HECTD2: variants seen among roughly 807,000 people sequenced by gnomAD.
HECTD2 encodes probable E3 ubiquitin-protein ligase HECTD2.
Under a neutral mutation model 103.2 loss-of-function variants are expected in HECTD2, and 35 were observed. The ratio of observed to expected loss-of-function variants is 0.34; its 90% CI spans 0.26 to 0.45. The LOEUF (loss-of-function observed/expected upper bound fraction) is 0.45, where lower values mean the gene tolerates loss of function less well. Ranked by LOEUF, HECTD2 falls within the 20% of genes least tolerant of loss-of-function variation. HECTD2 has a pLI of 1.00. For synonymous variants in HECTD2, 281 were observed against 329.9 expected (o/e 0.85, Z 1.61); for missense variants, 596 against 937.4 (o/e 0.64, Z 4.76).
chr10:91,453,625 G>T (rs1844931444), intron 2 of HECTD2, among the ~76,000 whole-genome samples: 1 of 152,052 alleles, frequency 6.6e-6, no homozygotes, highest in Non-Finnish European at 1.5e-5. Context: ...CTGCAGAAAG[G>T]CAGGGAAAAT....
intron 11 of HECTD2, chr10:91,488,267 ATT>A (rs1846336958): frequency 6.5e-6 from 1 of 153,112 alleles, no homozygotes; most frequent in Admixed American, 6.5e-5. Context: ...AAGATGTTTT[ATT>A]GGTTCTTAGG....
At chr10:91,451,986 A>G (rs1290584977) in intron 2 of HECTD2, among the ~76,000 whole-genome samples, 3 of 152,140 alleles carry the variant, frequency 2.0e-5, no homozygotes, top group Admixed American at 2.0e-4. Context: ...AATACTTGAG[A>G]AAATACAACA....
intron 1 of HECTD2, among the ~76,000 whole-genome samples, chr10:91,421,655 G>A (rs1467117342): frequency 1.3e-5 from 2 of 152,158 alleles, no homozygotes. Context: ...CAATAACCCT[G>A]TTATAAAAAT....
At chr10:91,473,416 C>T (rs1845797822) in intron 5 of HECTD2, among the ~76,000 whole-genome samples, 1 of 152,094 alleles carries the variant, frequency 6.6e-6, no homozygotes, top group Non-Finnish European at 1.5e-5. Context: ...CAAAAACTGC[C>T]TTTACCACCA....
chr10:91,498,016 A>G, intron 15 of HECTD2, 92 bp from the exon 16 acceptor site: 2 of 787,236 alleles, frequency 2.5e-6, no homozygotes, highest in South Asian at 1.5e-5. Flanking sequence ...TATGATCTTT[A>G]TATACATATG....
At chr10:91,477,491 A>T (rs1322047053) in intron 5 of HECTD2, among the ~76,000 whole-genome samples, 1 of 152,144 alleles carries the variant, frequency 6.6e-6, no homozygotes, top group African/African-American at 2.4e-5. Context: ...TTGAGCAGGG[A>T]TACTCTCTGG....
intron 2 of HECTD2, among the ~76,000 whole-genome samples, chr10:91,439,406 T>C (rs1473197825): frequency 6.6e-6 from 1 of 152,210 alleles, no homozygotes; most frequent in Non-Finnish European, 1.5e-5. Flanking sequence ...GCATTATTTC[T>C]GAGACCTTTA....
At chr10:91,489,566 G>A (rs1363149688) in intron 11 of HECTD2, 1 of 152,098 alleles carries the variant, frequency 6.6e-6, no homozygotes, top group Admixed American at 6.5e-5. Context: ...TTTGCCATTA[G>A]CATCCTAGCA....
intron 2 of HECTD2, among the ~76,000 whole-genome samples, chr10:91,430,665 G>T (rs1254600142): frequency 6.6e-6 from 1 of 151,898 alleles, no homozygotes; most frequent in Non-Finnish European, 1.5e-5. Flanking sequence ...ATCTTTTTTG[G>T]TTTAAAGTCT....
rs1330803165 is a variant in HECTD2 at position 91,514,282 on chromosome 10, A to G, written c.*1898A>G. 6.6e-6 allele frequency: 1 copy of G among 152,618 alleles called. No homozygotes were observed. The highest frequency in any genetic ancestry group is 2.4e-5 in the African/African-American group (1 of 41,450). 9.5% of individuals were successfully genotyped at this position (152,618 alleles called of 1,614,324 possible). ...CGATTAGCTGTGTCACTTTTAAATA[A>G]GAAGTCCACACAAGCAAGCCAAATT... On this transcript the variant is annotated 3_prime_UTR_variant, in exon 21 of 21. Transcript: ENST00000298068.
intron 5 of HECTD2, among the ~76,000 whole-genome samples, chr10:91,465,166 C>T (rs1207080988): frequency 1.3e-5 from 2 of 151,918 alleles, no homozygotes; most frequent in African/African-American, 2.4e-5. Flanking sequence ...ACTAAACAAA[C>T]GAGTAAATAT....
chr10:91,410,245 G>C (rs1842854132), upstream of HECTD2: 1 of 153,386 alleles, frequency 6.5e-6, no homozygotes. Flanking sequence ...GCGTCCGCGG[G>C]GCTGGCGCGC....
chr10:91,485,184 T>C lies in HECTD2; in HGVS notation c.975T>C (p.Thr325=), dbSNP rs1243611282. ...TGTTAGAATTTATCTTTACAGATAC[T>C]GCAAACAATTTAGTTCACCCTCCCC... ...SAAKVLALLN[T]ANNLVHPPLI... is the part of the protein sequence containing the mutation. Residue 325 remains threonine (T), a synonymous_variant, in exon 10 of 21, where the codon ACT becomes ACC. Coordinates refer to ENST00000298068, the MANE Select transcript of HECTD2 (RefSeq NM_182765.6). The C allele has an allele frequency of 7.1e-6, 11 of 1,541,566 alleles. No homozygotes were observed. The highest frequency in any genetic ancestry group is 9.7e-6 in the Non-Finnish European group (11 of 1,132,980).
chr10:91,436,009 C>A (rs866829216), intron 2 of HECTD2, among the ~76,000 whole-genome samples: 1 of 151,736 alleles, frequency 6.6e-6, no homozygotes. Context: ...AATTATTTCC[C>A]CTCTGAATCT....
chr10:91,446,167 C>T (rs188053894), intron 2 of HECTD2, among the ~76,000 whole-genome samples: 1 of 151,408 alleles, frequency 6.6e-6, no homozygotes, highest in Non-Finnish European at 1.5e-5. Context: ...GACAAAGCTT[C>T]CAGAGGAAGG....
intron 1 of HECTD2, among the ~76,000 whole-genome samples, chr10:91,412,561 TCTC>T (rs1297401489): frequency 6.6e-6 from 1 of 151,488 alleles, no homozygotes; most frequent in Non-Finnish European, 1.5e-5. Flanking sequence ...TTCAAGCCAT[TCTC>T]CTGCCTCAGC....
chr10:91,511,947 C>T (rs1847438885), intron 20 of HECTD2, among the ~76,000 whole-genome samples: 2 of 152,210 alleles, frequency 1.3e-5, no homozygotes, highest in African/African-American at 4.8e-5. Context: ...TCGAACAAGA[C>T]CCCACAGCTA....
In HECTD2 at chr10:91,512,633, A is replaced by G; in HGVS notation, c.*249A>G. The G allele has an allele frequency of 2.5e-6, 1 of 401,474 alleles. No individual in the cohort carries two copies. Among genetic ancestry groups the G allele is most frequent in the Non-Finnish European group, 4.5e-6 (1 of 221,494 alleles). The allele number at this position is 401,474 out of a possible 1,614,324, so 24.9% of individuals were successfully genotyped here. Reference sequence around the variant, plus strand: ...ACAGGTATGGTCCAGTTCCTCTTTTATATAGCACTTTATCATTCTCCACAA... The same window carrying G: ...ACAGGTATGGTCCAGTTCCTCTTTTGTATAGCACTTTATCATTCTCCACAA... On this transcript the variant is annotated 3_prime_UTR_variant, in exon 21 of 21. Coordinates refer to ENST00000298068, the MANE Select transcript of HECTD2 (RefSeq NM_182765.6).
chr10:91,511,555 A>G (rs1381360312), intron 20 of HECTD2, among the ~76,000 whole-genome samples: 2 of 152,056 alleles, frequency 1.3e-5, no homozygotes, highest in African/African-American at 2.4e-5. Flanking sequence ...AGAACCAGGG[A>G]GGAGTGGGGA....
Sources: gnomAD v4.1 joint callset for allele counts (sites outside exome capture counted in the v4.1 genomes callset) on GRCh38, gnomAD v4.1.1 for gene constraint, MANE v1.5 for transcripts, NCBI Gene and HGNC (gene_info 2026-07-23, HGNC 2026-07-21) for gene names.